SYNPR: variants seen among roughly 807,000 people sequenced by gnomAD.
SYNPR encodes synaptoporin.
Under a neutral mutation model 32.9 loss-of-function variants are expected in SYNPR, and 23 were observed. The ratio of observed to expected loss-of-function variants is 0.70; its 90% CI spans 0.50 to 0.99. SYNPR has a LOEUF of 0.99. Ranked by LOEUF, SYNPR falls within the 50% of genes least tolerant of loss-of-function variation. The pLI is 0.00. For synonymous variants in SYNPR, 146 were observed against 135.9 expected (o/e 1.07, Z -0.52); for missense variants, 318 against 349.3 (o/e 0.91, Z 0.71).
At chr3:63,505,748 T>C (rs1701575186) in intron 3 of SYNPR, among the ~76,000 whole-genome samples, 1 of 152,224 alleles carries the variant, frequency 6.6e-6, no homozygotes, top group Non-Finnish European at 1.5e-5. Flanking sequence ...TTTTATTGGT[T>C]ATCAACAGCT....
chr3:63,605,625 C>T (rs1324656039), intron 4 of SYNPR, among the ~76,000 whole-genome samples: 1 of 152,118 alleles, frequency 6.6e-6, no homozygotes, highest in Non-Finnish European at 1.5e-5. Flanking sequence ...ATATAATGTA[C>T]CAGTTGGTGA....
chr3:63,457,344 A>G (rs1255627343), intron 2 of SYNPR, among the ~76,000 whole-genome samples: 1 of 152,088 alleles, frequency 6.6e-6, no homozygotes, highest in African/African-American at 2.4e-5. Context: ...ATTTCCACTT[A>G]TAATGATCCT....
rs1489667740 is a variant in SYNPR, at chr3:63,466,084, A to C, written c.85-14748A>C. Among the ~76,000 whole-genome samples, 5 of 152,034 alleles carry C rather than the reference A, an allele frequency of 3.3e-5. No individual in the cohort carries two copies. The East Asian group carries it at 9.6e-4, about 29-fold the overall frequency. On this transcript the variant is annotated intron_variant, in intron 2 of 5. Transcript: ENST00000478300. ...TACTCTCTACTCTCTGAAAGGACCC[A>C]GTGTGTGTTGTTCTCCTCTATGTGT... is the stretch of plus-strand genomic sequence containing the variant.
chr3:63,369,512 G>T (rs963568334), intron 2 of SYNPR, among the ~76,000 whole-genome samples: 2 of 152,184 alleles, frequency 1.3e-5, no homozygotes, highest in Admixed American at 6.5e-5. Context: ...CATAAGCTAT[G>T]TGATATTTCT....
chr3:63,402,581 C>T (rs1269395360), intron 2 of SYNPR, among the ~76,000 whole-genome samples: 2 of 152,164 alleles, frequency 1.3e-5, no homozygotes, highest in African/African-American at 4.8e-5. Flanking sequence ...CTATTTGTGA[C>T]AGTGGGCATA....
intron 2 of SYNPR, among the ~76,000 whole-genome samples, chr3:63,466,883 G>A (rs1446456027): frequency 1.3e-5 from 2 of 152,146 alleles, no homozygotes; most frequent in African/African-American, 2.4e-5. Flanking sequence ...ACACACTGGG[G>A]GTTGGGACTT....
intron 2 of SYNPR, among the ~76,000 whole-genome samples, chr3:63,462,764 T>C (rs1700609328): frequency 2.0e-5 from 3 of 152,220 alleles, no homozygotes; most frequent in Non-Finnish European, 4.4e-5. Flanking sequence ...AAATTGTTAT[T>C]TGCATACTTC....
intron 3 of SYNPR, among the ~76,000 whole-genome samples, chr3:63,486,347 G>A (rs9838946): frequency 0.43 from 65,719 of 152,030 alleles, 14,253 homozygotes; most frequent in East Asian, 0.49. Context: ...GTTGGAGGAT[G>A]ACAATCCCAA....
intron 2 of SYNPR, among the ~76,000 whole-genome samples, chr3:63,405,761 G>A (rs1018450261): frequency 2.2e-4 from 33 of 152,156 alleles, no homozygotes; most frequent in Non-Finnish European, 7.3e-5. Context: ...TGTGCCAGAG[G>A]ATAGAAGAGC....
At chr3:63,296,145 A>T (rs1018374242) in intron 2 of SYNPR, among the ~76,000 whole-genome samples, 5 of 152,222 alleles carry the variant, frequency 3.3e-5, no homozygotes. Context: ...GTTTTTGCCT[A>T]TAGGAGTAGC....
intron 2 of SYNPR, among the ~76,000 whole-genome samples, chr3:63,255,030 T>C (rs2086370047): frequency 1.3e-5 from 2 of 152,022 alleles, no homozygotes; most frequent in African/African-American, 4.8e-5. Flanking sequence ...AGCGAGAAAA[T>C]ACATTTCTGT....
chr3:63,595,876 T>G (rs1324796882), intron 4 of SYNPR, among the ~76,000 whole-genome samples: 56 of 91,284 alleles, frequency 6.1e-4, no homozygotes, highest in South Asian at 7.1e-4. Context: ...TATATATAAT[T>G]TTATATATAT....
At chr3:63,252,442 T>C (rs2106890544) in intron 1 of SYNPR, 1 of 152,106 alleles carries the variant, frequency 6.6e-6, no homozygotes, top group African/African-American at 2.4e-5. Flanking sequence ...GTCTTAAATA[T>C]TTTTTGGCTG....
At chr3:63,265,267 T>TTTTTTTTTTC (rs2086475844) in intron 2 of SYNPR, among the ~76,000 whole-genome samples, 1 of 112,400 alleles carries the variant, frequency 8.9e-6, no homozygotes, top group African/African-American at 3.5e-5. Flanking sequence ...TTTTTTTTTT[T>TTTTTTTTTTC]CTGAGATGGA....
At chr3:63,495,845 T>A (rs1342677901) in intron 3 of SYNPR, among the ~76,000 whole-genome samples, 1 of 152,092 alleles carries the variant, frequency 6.6e-6, no homozygotes, top group Admixed American at 6.6e-5. Flanking sequence ...TTTAAGGCAG[T>A]GAAACTACTC....
chr3:63,581,461 T>C (rs1184573640), intron 4 of SYNPR, among the ~76,000 whole-genome samples: 2 of 94,186 alleles, frequency 2.1e-5, no homozygotes, highest in African/African-American at 3.3e-5. Flanking sequence ...CATGCATTTA[T>C]CAAAACGTAA....
At chr3:63,500,384 G>A (rs1442521221) in intron 3 of SYNPR, among the ~76,000 whole-genome samples, 1 of 152,062 alleles carries the variant, frequency 6.6e-6, no homozygotes, top group Non-Finnish European at 1.5e-5. Context: ...CTTTGGACTT[G>A]CCTCCCTCAC....
At chr3:63,442,197 A>G (rs2107161140) in intron 2 of SYNPR, among the ~76,000 whole-genome samples, 2 of 137,486 alleles carry the variant, frequency 1.5e-5, no homozygotes, top group African/African-American at 6.0e-5. Flanking sequence ...GCACGCATGA[A>G]AGAGAGAGAG....
intron 2 of SYNPR, among the ~76,000 whole-genome samples, chr3:63,414,808 T>C (rs1159579880): frequency 1.3e-5 from 2 of 152,228 alleles, no homozygotes; most frequent in Non-Finnish European, 2.9e-5. Flanking sequence ...ATAATGAAGT[T>C]AGTCAGCCAA....
Sources: gnomAD v4.1 joint callset for allele counts (sites outside exome capture counted in the v4.1 genomes callset) on GRCh38, gnomAD v4.1.1 for gene constraint, MANE v1.5 for transcripts, NCBI Gene and HGNC (gene_info 2026-07-23, HGNC 2026-07-21) for gene names.